PEBP4: variants seen among roughly 807,000 people sequenced by gnomAD.
The protein encoded by PEBP4 is phosphatidylethanolamine-binding protein 4.
In PEBP4, 22 loss-of-function variants were observed where a neutral mutation model predicts 23.9. That is an observed-to-expected ratio of 0.92 (90% confidence interval 0.66 to 1.31). The LOEUF (loss-of-function observed/expected upper bound fraction) is 1.31. Among genes scored for constraint, PEBP4 ranks in the 40% most tolerant of loss-of-function variants. The probability of loss-of-function intolerance (pLI) is 0.00; values close to 1 mark genes in which losing one functional copy is unlikely to be tolerated. For missense variants in PEBP4, 324 were observed against 281.7 expected (o/e 1.15, Z -1.07); for synonymous variants, 112 against 99.3 (o/e 1.13, Z -0.76).
intron 3 of PEBP4, among the ~76,000 whole-genome samples, chr8:22,900,656 C>CA (rs111459741): frequency 0.53 from 71,774 of 134,186 alleles, 17,835 homozygotes; most frequent in South Asian, 0.63. Flanking sequence ...ACTCTGTCTC[C>CA]AAAAAAAAAA....
At chr8:22,799,534 A>G (rs915611582) in intron 4 of PEBP4, among the ~76,000 whole-genome samples, 2 of 152,230 alleles carry the variant, frequency 1.3e-5, no homozygotes, top group African/African-American at 4.8e-5. Flanking sequence ...ACAAAATGCC[A>G]AATTTTGCTT....
intron 4 of PEBP4, among the ~76,000 whole-genome samples, chr8:22,736,336 G>T (rs1266158169): frequency 6.6e-6 from 1 of 152,186 alleles, no homozygotes; most frequent in Non-Finnish European, 1.5e-5. Flanking sequence ...GGGGTGCGTT[G>T]TCTCATGCCT....
rs1421722455 is a variant in PEBP4 at position 22,883,525 on chromosome 8, A to C, written c.258+36659T>G. ...TATCTGCACACTTAAAAAAAAAAAA[A>C]GGTGAGCTGAAGGTGGCACAAAATT... On this transcript the variant is annotated intron_variant, in intron 3 of 6. Coordinates refer to ENST00000256404, the MANE Select transcript of PEBP4 (RefSeq NM_144962.3). 2.6e-5 allele frequency among the ~76,000 whole-genome samples: 4 copies of C among 151,732 alleles called. No individual in the cohort carries two copies. In the South Asian group the frequency reaches 6.2e-4, roughly 24 times the overall value.
chr8:22,853,074 A>G (rs1198738358), intron 3 of PEBP4, among the ~76,000 whole-genome samples: 1 of 152,272 alleles, frequency 6.6e-6, no homozygotes, highest in Non-Finnish European at 1.5e-5. Context: ...ATCTTGGGCT[A>G]AAACAAGCAT....
intron 4 of PEBP4, among the ~76,000 whole-genome samples, chr8:22,761,039 G>A (rs1563207744): frequency 6.6e-6 from 1 of 152,174 alleles, no homozygotes. Flanking sequence ...GGGCCAGCGG[G>A]GAGGCGGGCA....
At chr8:22,808,372 CTTTA>C (rs1806547473) in intron 4 of PEBP4, among the ~76,000 whole-genome samples, 1 of 152,220 alleles carries the variant, frequency 6.6e-6, no homozygotes, top group Non-Finnish European at 1.5e-5. Context: ...TTCCTCCATT[CTTTA>C]TTCATTCATT....
intron 3 of PEBP4, among the ~76,000 whole-genome samples, chr8:22,870,405 A>G (rs1171366035): frequency 6.6e-6 from 1 of 152,212 alleles, no homozygotes; most frequent in Non-Finnish European, 1.5e-5. Context: ...AGATAGTAAA[A>G]TATCAGCAGT....
At chr8:22,727,131 C>G (rs752289485) in intron 5 of PEBP4, 44 bp downstream of exon 5, 7 of 1,606,560 alleles carry the variant, frequency 4.4e-6, no homozygotes, top group Admixed American at 1.7e-5. Flanking sequence ...GTGATCGTCA[C>G]TGATGCCCTG....
At chr8:22,891,456 G>T (rs959349309) in intron 3 of PEBP4, among the ~76,000 whole-genome samples, 1 of 152,186 alleles carries the variant, frequency 6.6e-6, no homozygotes, top group Non-Finnish European at 1.5e-5. Flanking sequence ...GGCCTCTTGG[G>T]CTGGTGTGAT....
At chr8:22,714,183 G>T (rs995294714) in intron 6 of PEBP4, among the ~76,000 whole-genome samples, 5 of 152,358 alleles carry the variant, frequency 3.3e-5, no homozygotes, top group Admixed American at 3.3e-4. Flanking sequence ...GGTCGGAGGG[G>T]TTCCTCCTCA....
chr8:22,852,512 G>A (rs11781988), intron 3 of PEBP4, among the ~76,000 whole-genome samples: 6 of 152,056 alleles, frequency 3.9e-5, no homozygotes, highest in Non-Finnish European at 8.8e-5. Flanking sequence ...TTTTCTAGTC[G>A]TTGGTAAATG....
intron 4 of PEBP4, among the ~76,000 whole-genome samples, chr8:22,747,842 C>G (rs1805160812): frequency 6.6e-6 from 1 of 152,160 alleles, no homozygotes; most frequent in African/African-American, 2.4e-5. Context: ...CCCACAGAGG[C>G]CCCGGGGGCT....
rs369354075 is a variant in PEBP4 at position 22,724,990 on chromosome 8, A to C, written c.404-34T>G. ...AGAAGCAGGAGAGAGGTGAGCATCA[A>C]CATCCCATACTACCGAGGGCAGAGC... On this transcript the variant is annotated intron_variant, in intron 5 of 6. Transcript: ENST00000256404. The C allele has an allele frequency of 1.5e-5, 23 of 1,548,426 alleles. No individual in the cohort carries two copies. The African/African-American group carries it at 2.9e-4, about 19-fold the overall frequency.
intron 3 of PEBP4, among the ~76,000 whole-genome samples, chr8:22,876,841 T>C (rs540476356): frequency 2.0e-5 from 3 of 152,318 alleles, no homozygotes; most frequent in South Asian, 4.1e-4. Context: ...ACATTTCTGT[T>C]AATGTTCAGG....
rs115085012 is a variant in PEBP4 at position 22,924,628 on chromosome 8, C to T, written c.131+2956G>A. The T allele has an allele frequency of 2.3e-3, 2,216 of 982,524 alleles. 22 individuals carry two copies. In the African/African-American group the frequency reaches 0.03, roughly 13 times the overall value. The allele number at this position is 982,524 out of a possible 1,614,324, so 60.9% of individuals were successfully genotyped here. ...AGAATGTACTTTCTGAAGAACGGAG[C>T]TTTTCAACACCAAAAAGCAGGACGC... On this transcript the variant is annotated intron_variant, in intron 2 of 6. Coordinates refer to ENST00000256404, the MANE Select transcript of PEBP4 (RefSeq NM_144962.3).
chr8:22,849,133 A>T (rs1807500319), intron 3 of PEBP4, among the ~76,000 whole-genome samples: 1 of 152,260 alleles, frequency 6.6e-6, no homozygotes, highest in Non-Finnish European at 1.5e-5. Flanking sequence ...GTAAGGTCAC[A>T]TAATGAAATG....
At chr8:22,851,007 G>GAATC (rs1807539505) in intron 3 of PEBP4, among the ~76,000 whole-genome samples, 4 of 152,180 alleles carry the variant, frequency 2.6e-5, no homozygotes, top group Non-Finnish European at 5.9e-5. Context: ...AACAGCATTT[G>GAATC]GGCAAACATC....
chr8:22,887,871 T>C (rs1221857704), intron 3 of PEBP4: 1 of 152,198 alleles, frequency 6.6e-6, no homozygotes, highest in Non-Finnish European at 1.5e-5. Context: ...CATGCGCGCA[T>C]GCACACGCTG....
At chr8:22,931,396 C>T (rs1189312350), upstream of PEBP4, among the ~76,000 whole-genome samples, 4 of 152,080 alleles carry the variant, frequency 2.6e-5, no homozygotes, top group African/African-American at 9.7e-5. Context: ...CCCCATTCCT[C>T]CCTACCCCCA....
Sources: gnomAD v4.1 joint callset for allele counts (sites outside exome capture counted in the v4.1 genomes callset) on GRCh38, gnomAD v4.1.1 for gene constraint, MANE v1.5 for transcripts, NCBI Gene and HGNC (gene_info 2026-07-23, HGNC 2026-07-21) for gene names.